MTSS1: variants seen among roughly 807,000 people sequenced by gnomAD.
MTSS1 encodes the protein MTSS I-BAR domain containing 1.
In MTSS1, 18 loss-of-function variants were observed where a neutral mutation model predicts 79.0. The ratio of observed to expected loss-of-function variants is 0.23; its 90% confidence interval spans 0.16 to 0.34. The LOEUF (loss-of-function observed/expected upper bound fraction) is 0.34. MTSS1 is among the 10% of genes least tolerant of loss of function. The pLI, the probability that MTSS1 is intolerant of heterozygous loss-of-function variation, is 1.00. For synonymous variants in MTSS1, 341 were observed against 368.6 expected (o/e 0.93, Z 0.86); for missense variants, 815 against 986.2 (o/e 0.83, Z 2.33).
At chr8:124,599,249 C>T (rs1242602138) in intron 3 of MTSS1, among the ~76,000 whole-genome samples, 2 of 152,010 alleles carry the variant, frequency 1.3e-5, no homozygotes, top group African/African-American at 4.8e-5. Context: ...TTTGGGAGGC[C>T]GAGGCGGGCC....
At chr8:124,718,374 A>G (rs1832413830) in intron 1 of MTSS1, among the ~76,000 whole-genome samples, 1 of 152,042 alleles carries the variant, frequency 6.6e-6, no homozygotes, top group South Asian at 2.1e-4. Context: ...CTCCAGGTCA[A>G]CTTCTGGTTG....
At chr8:124,712,007 GAA>G (rs113611055) in intron 1 of MTSS1, among the ~76,000 whole-genome samples, 131 of 102,712 alleles carry the variant, frequency 1.3e-3, no homozygotes, top group African/African-American at 4.2e-3. Context: ...GACTGTCTCA[GAA>G]AAAAAAAAAA....
At chr8:124,610,659 A>T (rs565775663) in intron 3 of MTSS1, among the ~76,000 whole-genome samples, 1 of 152,316 alleles carries the variant, frequency 6.6e-6, no homozygotes, top group Non-Finnish European at 1.5e-5. Context: ...AAACATCTCC[A>T]GGACCAGAGA....
chr8:124,633,785 CCAA>C (rs1206465181), intron 3 of MTSS1, among the ~76,000 whole-genome samples: 1 of 149,498 alleles, frequency 6.7e-6, no homozygotes, highest in Non-Finnish European at 1.5e-5. Context: ...AAAAAAAAAA[CCAA>C]CAACAACAAA....
chr8:124,686,729 G>A (rs1416720659), intron 3 of MTSS1, among the ~76,000 whole-genome samples: 1 of 152,082 alleles, frequency 6.6e-6, no homozygotes, highest in South Asian at 2.1e-4. Context: ...TGCACAACAC[G>A]CCCCTCACAA....
chr8:124,654,585 G>T (rs1820598090), intron 3 of MTSS1, among the ~76,000 whole-genome samples: 1 of 152,142 alleles, frequency 6.6e-6, no homozygotes, highest in South Asian at 2.1e-4. Flanking sequence ...CATGAAGTAT[G>T]ATGTATATCC....
At chr8:124,725,038 T>G (rs953844707) in intron 1 of MTSS1, among the ~76,000 whole-genome samples, 6 of 152,152 alleles carry the variant, frequency 3.9e-5, no homozygotes, top group African/African-American at 1.4e-4. Flanking sequence ...ACAACACCGT[T>G]CATTAGCGAC....
intron 9 of MTSS1, 64 bp downstream of exon 9, chr8:124,565,598 C>A: frequency 7.1e-7 from 1 of 1,415,230 alleles, no homozygotes; most frequent in East Asian, 2.3e-5. Flanking sequence ...GGCTCCATTG[C>A]TCACATTAGC....
chr8:124,641,525 C>T (rs1818051178), intron 3 of MTSS1, among the ~76,000 whole-genome samples: 1 of 152,180 alleles, frequency 6.6e-6, no homozygotes, highest in African/African-American at 2.4e-5. Flanking sequence ...CAGCCCAGGC[C>T]TTGGAACACA....
At chr8:124,686,575 T>C (rs970712672) in intron 3 of MTSS1, among the ~76,000 whole-genome samples, 14 of 152,174 alleles carry the variant, frequency 9.2e-5, no homozygotes, top group African/African-American at 3.4e-4. Context: ...AAAAAAGGCA[T>C]AGCCAGAGTT....
chr8:124,639,058 C>T (rs112194934), intron 3 of MTSS1, among the ~76,000 whole-genome samples: 4,143 of 152,254 alleles, frequency 0.027, 163 homozygotes, highest in African/African-American at 0.094. Context: ...GGCGGCCTGG[C>T]CCAGGTGGTG....
At position 124,568,884 on chromosome 8, in the gene MTSS1, T is replaced by C. The variant is rs918951912; in HGVS notation, c.461-348A>G. On this transcript the variant is annotated intron_variant, in intron 6 of 13. Coordinates refer to ENST00000518547, the MANE Select transcript of MTSS1 (RefSeq NM_014751.6). The stretch of plus-strand genomic sequence containing the variant: ...GACAGCATTCTTTCCTTGCAGAACA[T>C]TCTGAAGAGGCTAAGAGATGTGGAA... 2.1e-6 allele frequency: 3 copies of C among 1,414,010 alleles called. No individual in the cohort carries two copies. In the East Asian group the frequency reaches 7.7e-5, roughly 37 times the overall value. 87.6% of individuals were successfully genotyped at this position (1,414,010 alleles called of 1,614,324 possible).
At chr8:124,581,454 A>ATTTTTTTTTTTT (rs36050957) in intron 6 of MTSS1, among the ~76,000 whole-genome samples, 1 of 138,090 alleles carries the variant, frequency 7.2e-6, no homozygotes. Flanking sequence ...CTTTACCAGA[A>ATTTTTTTTTTTT]TTTTTTTATT....
intron 3 of MTSS1, among the ~76,000 whole-genome samples, chr8:124,671,673 T>A (rs899334025): frequency 2.6e-4 from 39 of 152,208 alleles, no homozygotes; most frequent in Non-Finnish European, 1.0e-4. Context: ...GATGTCCTGA[T>A]ACAAGTTTGC....
intron 3 of MTSS1, among the ~76,000 whole-genome samples, chr8:124,621,371 G>A (rs1383751350): frequency 6.6e-6 from 1 of 152,166 alleles, no homozygotes; most frequent in Non-Finnish European, 1.5e-5. Context: ...GAAGTGGAAG[G>A]GGCCAGCTCC....
At chr8:124,625,446 G>A (rs1814471795) in intron 3 of MTSS1, among the ~76,000 whole-genome samples, 1 of 152,178 alleles carries the variant, frequency 6.6e-6, no homozygotes, top group South Asian at 2.1e-4. Flanking sequence ...TACAGTCCAG[G>A]GAAATGAGTG....
chr8:124,681,876 T>C (rs182087449), intron 3 of MTSS1, among the ~76,000 whole-genome samples: 85 of 152,358 alleles, frequency 5.6e-4, no homozygotes, highest in African/African-American at 1.9e-3. Flanking sequence ...CTGACACATT[T>C]GTATGTGCTA....
intron 3 of MTSS1, among the ~76,000 whole-genome samples, chr8:124,646,903 G>A (rs1248051176): frequency 1.3e-5 from 2 of 151,356 alleles, no homozygotes; most frequent in African/African-American, 2.4e-5. Context: ...CTGCAGCCTC[G>A]AACTCTGGCC....
intron 6 of MTSS1, among the ~76,000 whole-genome samples, chr8:124,580,812 C>T (rs937190439): frequency 1.3e-5 from 2 of 152,198 alleles, no homozygotes; most frequent in African/African-American, 4.8e-5. Context: ...AATGACCACC[C>T]CTAGAGAAGA....
Sources: gnomAD v4.1 joint callset for allele counts (sites outside exome capture counted in the v4.1 genomes callset) on GRCh38, gnomAD v4.1.1 for gene constraint, MANE v1.5 for transcripts, NCBI Gene and HGNC (gene_info 2026-07-23, HGNC 2026-07-21) for gene names.